The following PALS2 variants were observed in gnomAD, a reference collection of about 807,000 sequenced individuals.
The protein encoded by PALS2 is protein associated with LIN7 2, MAGUK p55 family member.
PALS2 carries 27 observed loss-of-function variants against 61.6 expected under a neutral mutation model. That is an observed-to-expected ratio of 0.44 (90% CI 0.32 to 0.60). PALS2 has a LOEUF of 0.60. Among genes scored for constraint, PALS2 ranks in the 20% least tolerant of loss-of-function variants. The pLI is 0.05. For synonymous variants in PALS2, 236 were observed against 218.6 expected (o/e 1.08, Z -0.70); for missense variants, 554 against 639.4 (o/e 0.87, Z 1.44).
At chr7:24,624,150 T>C in intron 2 of PALS2, 1 of 1,279,636 alleles carries the variant, frequency 7.8e-7, no homozygotes, top group Non-Finnish European at 1.0e-6. Context: ...GTGTACCTAC[T>C]TTTCATGTAA....
intron 6 of PALS2, among the ~76,000 whole-genome samples, chr7:24,664,696 A>G (rs1426392351): frequency 6.6e-6 from 1 of 152,160 alleles, no homozygotes; most frequent in Non-Finnish European, 1.5e-5. Context: ...CAGCTAAGAA[A>G]TGGGTAAATT....
Position 24,693,836 on chromosome 7 carries a change from G to C in PALS2, c.*6222G>C, listed in dbSNP as rs1370065752. ...ATTTCTCCATGTTATGTTGAGCTCT[G>C]TTGGAGCCTATGGTGAGTATTTGAT... On this transcript the variant is annotated 3_prime_UTR_variant, in exon 12 of 12. Transcript: ENST00000222644. 1 of 152,140 alleles carries C rather than the reference G, an allele frequency of 6.6e-6. No individual in the cohort carries two copies. Among genetic ancestry groups the C allele is most frequent in the Non-Finnish European group, 1.5e-5 (1 of 68,010 alleles). 9.4% of individuals were successfully genotyped at this position (152,140 alleles called of 1,614,324 possible). A position where few individuals can be genotyped will look rare whatever the true frequency, so the allele number is the denominator to read the frequency against.
At chr7:24,600,279 A>G (rs1783671764) in intron 1 of PALS2, among the ~76,000 whole-genome samples, 1 of 152,290 alleles carries the variant, frequency 6.6e-6, no homozygotes, top group East Asian at 1.9e-4. Context: ...ATTCAGCTGC[A>G]TTATAATCTT....
chr7:24,681,524 G>T lies in PALS2; in HGVS notation c.1446+1004G>T, dbSNP rs546460148. ...GCAGTCTATATTTGAGTTTCTCCAA[G>T]ATTTTTTTTTTTTTTTTTTTACTGT... is the stretch of plus-strand genomic sequence containing the variant. On this transcript the variant is annotated intron_variant, in intron 11 of 11. Coordinates refer to ENST00000222644, the MANE Select transcript of PALS2 (RefSeq NM_001303037.2). 3.6e-3 allele frequency among the ~76,000 whole-genome samples: 520 copies of T among 145,934 alleles called. 14 individuals are homozygous for T. The highest frequency in any genetic ancestry group is 1.4e-3 in the East Asian group (7 of 5,038).
chr7:24,645,739 C>G (rs560534914), intron 3 of PALS2, among the ~76,000 whole-genome samples: 6 of 152,154 alleles, frequency 3.9e-5, no homozygotes, highest in South Asian at 4.1e-4. Context: ...TTGGTTCTTC[C>G]TATCCATGAG....
intron 1 of PALS2, among the ~76,000 whole-genome samples, chr7:24,579,833 A>AT (rs1220365240): frequency 2.6e-5 from 4 of 152,212 alleles, no homozygotes; most frequent in Non-Finnish European, 4.4e-5. Flanking sequence ...CAATAGAGCA[A>AT]TTTTTTATAA....
intron 9 of PALS2, among the ~76,000 whole-genome samples, chr7:24,672,520 A>G (rs1787351841): frequency 6.6e-6 from 1 of 151,852 alleles, no homozygotes; most frequent in South Asian, 2.1e-4. Context: ...TGCTATATTA[A>G]CAGTATTAAT....
chr7:24,685,534 A>G (rs1380688275), intron 11 of PALS2, among the ~76,000 whole-genome samples: 1 of 152,142 alleles, frequency 6.6e-6, no homozygotes, highest in African/African-American at 2.4e-5. Flanking sequence ...CTTATGTACA[A>G]AATGTGCCTG....
chr7:24,603,145 C>A (rs545102967), intron 1 of PALS2, among the ~76,000 whole-genome samples: 1 of 152,300 alleles, frequency 6.6e-6, no homozygotes. Context: ...CTTGGACTTC[C>A]CAGCCTTCAG....
Position 24,672,615 on chromosome 7 carries a change from T to G in PALS2, c.1114+3955T>G, listed in dbSNP as rs560733078. ...TTTATGGTTTTCATTGTACAAATATTATGCTGCTTTTGTCACATTTATTCC... is the reference window on the plus strand; with the variant it reads ...TTTATGGTTTTCATTGTACAAATATGATGCTGCTTTTGTCACATTTATTCC... On this transcript the variant is annotated intron_variant, in intron 9 of 11. Coordinates refer to ENST00000222644, the MANE Select transcript of PALS2 (RefSeq NM_001303037.2). 2.6e-5 allele frequency among the ~76,000 whole-genome samples: 4 copies of G among 152,340 alleles called. 1 individual carries two copies. The highest frequency in any genetic ancestry group is 9.6e-5 in the African/African-American group (4 of 41,588).
chr7:24,678,897 A>T (rs935947762), intron 9 of PALS2, among the ~76,000 whole-genome samples: 1 of 152,208 alleles, frequency 6.6e-6, no homozygotes, highest in Admixed American at 6.5e-5. Flanking sequence ...ACAGTCTGTC[A>T]CAATTACTAC....
Position 24,632,247 on chromosome 7 carries a change from AATT to A in PALS2, c.117+8465_117+8467del, listed in dbSNP as rs1241130929. The stretch of plus-strand genomic sequence containing the variant: ...TTGATCTGAAGTCTGCCCTGTCTGA[AATT>A]AATATAGCTACTCCAGTTTTCTTTA... On this transcript the variant is annotated intron_variant, in intron 2 of 11. Transcript: ENST00000222644. 2.0e-5 allele frequency among the ~76,000 whole-genome samples: 3 copies of A among 152,282 alleles called. No individual in the cohort carries two copies. In the East Asian group the frequency reaches 5.8e-4, roughly 29 times the overall value.
At chr7:24,587,321 T>C (rs1783106628) in intron 1 of PALS2, among the ~76,000 whole-genome samples, 1 of 151,982 alleles carries the variant, frequency 6.6e-6, no homozygotes, top group Admixed American at 6.6e-5. Context: ...TAAATTATTA[T>C]TATTAAATTA....
intron 5 of PALS2, among the ~76,000 whole-genome samples, chr7:24,656,608 G>A (rs1290374841): frequency 2.6e-5 from 4 of 152,014 alleles, no homozygotes; most frequent in Non-Finnish European, 2.9e-5. Flanking sequence ...TGCAGCCTCA[G>A]CCTCCCAGGG....
intron 1 of PALS2, among the ~76,000 whole-genome samples, chr7:24,591,908 TAAAG>T (rs1191430493): frequency 2.0e-5 from 3 of 151,964 alleles, no homozygotes; most frequent in Non-Finnish European, 4.4e-5. Flanking sequence ...CTTTTCATGA[TAAAG>T]AAACACTAGA....
chr7:24,590,845 CT>C (rs35467271), intron 1 of PALS2, among the ~76,000 whole-genome samples: 22,998 of 133,076 alleles, frequency 0.17, 2,133 homozygotes, highest in East Asian at 0.5. Flanking sequence ...TTCTTGGGGA[CT>C]TTTTTTTTTT....
chr7:24,665,558 G>A lies in PALS2; in HGVS notation c.784-30G>A, dbSNP rs763914721. ...AATATGGTCTCAAATTTTGGTCACT[G>A]AGATGTACAATTCATTAATTTGATT... On this transcript the variant is annotated intron_variant, in intron 6 of 11. Coordinates refer to ENST00000222644, the MANE Select transcript of PALS2 (RefSeq NM_001303037.2). The A allele has an allele frequency of 2.1e-5, 33 of 1,605,482 alleles. 1 individual carries two copies. The Admixed American group carries it at 2.7e-4, about 13-fold the overall frequency.
At chr7:24,653,665 A>G (rs531681836) in intron 5 of PALS2, among the ~76,000 whole-genome samples, 1 of 152,330 alleles carries the variant, frequency 6.6e-6, no homozygotes, top group African/African-American at 2.4e-5. Context: ...AGCAAACATT[A>G]TCTGTTAAAA....
intron 1 of PALS2, among the ~76,000 whole-genome samples, chr7:24,587,287 A>G (rs752355862): frequency 6.6e-6 from 1 of 152,128 alleles, no homozygotes; most frequent in Non-Finnish European, 1.5e-5. Context: ...GGGAGGGGAA[A>G]GAGCAGAGGA....
Sources: allele counts gnomAD v4.1 joint callset (sites outside exome capture counted in the v4.1 genomes callset), GRCh38; gene constraint gnomAD v4.1.1; transcripts MANE v1.5; gene names NCBI Gene and HGNC (gene_info 2026-07-23, HGNC 2026-07-21).